Variants in BANP observed in about 807,000 individuals in gnomAD.
BANP encodes BTG3 associated nuclear protein.
A neutral mutation model predicts 68.1 loss-of-function variants in BANP; 11 were observed. That is an observed-to-expected ratio of 0.16 (90% confidence interval 0.10 to 0.27). The LOEUF is 0.27. Ranked by LOEUF, BANP falls within the 10% of genes least tolerant of loss-of-function variation. The pLI is 1.00. For synonymous variants in BANP, 329 were observed against 303.2 expected, an observed-to-expected ratio of 1.09 and a Z score of -0.88; for missense variants, 504 against 722.7, an observed-to-expected ratio of 0.70 and a Z score of 3.47.
In BANP at chr16:88,027,442, C is replaced by G. The variant is rs201753170; in HGVS notation, c.896-41C>G. On this transcript the variant is annotated intron_variant, in intron 7 of 13. Coordinates refer to ENST00000682872, the MANE Select transcript of BANP (RefSeq NM_001386991.1). ...GCCAGGCAGCTCCTGGTGGCTGTCC[C>G]GAACAGGCCTCACCGCTTCTCCTTG... The G allele has an allele frequency of 7.5e-6, 12 of 1,609,854 alleles. No individual in the cohort carries two copies. The African/African-American group carries it at 1.2e-4, about 16-fold the overall frequency.
chr16:87,991,350 A>C (rs1290560460), intron 4 of BANP, among the ~76,000 whole-genome samples: 1 of 152,258 alleles, frequency 6.6e-6, no homozygotes, highest in African/African-American at 2.4e-5. Context: ...CAATCTAATA[A>C]CCAAACTAAT....
chr16:88,026,333 G>A (rs570823146), intron 7 of BANP, among the ~76,000 whole-genome samples: 1 of 152,344 alleles, frequency 6.6e-6, no homozygotes, highest in East Asian at 1.9e-4. Flanking sequence ...AGTTGAGAAG[G>A]CACGATAGAG....
intron 11 of BANP, among the ~76,000 whole-genome samples, chr16:88,056,100 C>G (rs1038825410): frequency 1.3e-5 from 2 of 152,164 alleles, no homozygotes; most frequent in Non-Finnish European, 1.5e-5. Flanking sequence ...GGGGCCCTGA[C>G]TTACAAAGGG....
At chr16:88,017,460 G>A (rs1486134300) in intron 6 of BANP, 1 of 152,246 alleles carries the variant, frequency 6.6e-6, no homozygotes, top group Non-Finnish European at 1.5e-5. Flanking sequence ...CATCACACGG[G>A]GAGGCTTTGA....
chr16:87,984,099 T>G lies in BANP; in HGVS notation c.202T>G (p.Leu68Val). The change falls in exon 4 of 14, where the codon TTG becomes GTG. Residue 68 changes from leucine to valine, a missense_variant. Physicochemically the swap from Leu to Val is conservative, Grantham distance 32 (BLOSUM62 1). Coordinates refer to ENST00000682872, the MANE Select transcript of BANP (RefSeq NM_001386991.1). The stretch of plus-strand genomic sequence containing the variant: ...CATCAACCAGACAATCTGCTTGCGG[T>G]TGGATAGCATTGAAGCCAAATTGCA... ...YSINQTICLR[L>V]DSIEAKLQAL... The G allele has an allele frequency of 6.2e-7, 1 of 1,614,012 alleles. No individual in the cohort carries two copies. The highest frequency in any genetic ancestry group is 8.5e-7 in the Non-Finnish European group (1 of 1,179,952).
intron 6 of BANP, among the ~76,000 whole-genome samples, chr16:88,016,449 T>C (rs1275501208): frequency 6.6e-6 from 1 of 151,800 alleles, no homozygotes; most frequent in Non-Finnish European, 1.5e-5. Context: ...ACACGTCCCC[T>C]CTGTTTCCCC....
At chr16:88,001,824 G>A (rs2069442406) in intron 4 of BANP, among the ~76,000 whole-genome samples, 1 of 151,414 alleles carries the variant, frequency 6.6e-6, no homozygotes, top group Non-Finnish European at 1.5e-5. Context: ...TATCCTGTTA[G>A]CCTGGCTGTC....
chr16:88,042,134 C>T (rs1457535756), intron 11 of BANP, among the ~76,000 whole-genome samples: 1 of 152,240 alleles, frequency 6.6e-6, no homozygotes, highest in Non-Finnish European at 1.5e-5. Context: ...GCACCTGGGT[C>T]CAGTGAGGTC....
intron 7 of BANP, among the ~76,000 whole-genome samples, chr16:88,023,836 A>G (rs2076470644): frequency 6.6e-6 from 1 of 152,182 alleles, no homozygotes; most frequent in Non-Finnish European, 1.5e-5. Context: ...AGGAAAATAG[A>G]GGCGTGCACT....
intron 3 of BANP, among the ~76,000 whole-genome samples, chr16:87,983,552 G>C (rs1390347964): frequency 1.3e-5 from 2 of 152,126 alleles, no homozygotes; most frequent in Non-Finnish European, 2.9e-5. Context: ...TAGGTGGCAA[G>C]CTTGCCGCTC....
intron 1 of BANP, among the ~76,000 whole-genome samples, chr16:87,961,057 A>G (rs948951514): frequency 6.6e-5 from 10 of 152,248 alleles, no homozygotes; most frequent in Admixed American, 5.2e-4. Context: ...CGGTGAAGCA[A>G]CATTTTCCAG....
chr16:87,962,740 G>GA (rs2059410979), intron 1 of BANP, among the ~76,000 whole-genome samples: 1 of 152,284 alleles, frequency 6.6e-6, no homozygotes, highest in East Asian at 1.9e-4. Context: ...GGAGCCGTCG[G>GA]GAGAAGTGTT....
chr16:88,039,706 C>T (rs1396747832), intron 11 of BANP, among the ~76,000 whole-genome samples: 8 of 142,674 alleles, frequency 5.6e-5, no homozygotes, highest in Non-Finnish European at 9.5e-5. Flanking sequence ...CATGGAGGCC[C>T]GTTGGCTCCA....
chr16:88,010,638 C>T (rs1398708189), intron 6 of BANP, among the ~76,000 whole-genome samples: 1 of 152,274 alleles, frequency 6.6e-6, no homozygotes, highest in Non-Finnish European at 1.5e-5. Context: ...ATTTACAGAC[C>T]TCACAGTCCA....
intron 1 of BANP, among the ~76,000 whole-genome samples, chr16:87,974,475 G>A (rs567453413): frequency 3.3e-5 from 5 of 152,356 alleles, no homozygotes; most frequent in Admixed American, 1.3e-4. Context: ...AGAGCAGAAA[G>A]AAAGCAGAAC....
At chr16:88,015,360 G>T (rs545703319) in intron 6 of BANP, among the ~76,000 whole-genome samples, 20 of 152,270 alleles carry the variant, frequency 1.3e-4, no homozygotes, top group Non-Finnish European at 2.5e-4. Context: ...CCCTCTGCCT[G>T]TGCCAGTTCA....
intron 9 of BANP, among the ~76,000 whole-genome samples, chr16:88,034,007 T>A (rs1217082014): frequency 6.6e-6 from 1 of 152,200 alleles, no homozygotes; most frequent in Non-Finnish European, 1.5e-5. Flanking sequence ...TTGGGCCCTC[T>A]GAAGACAGGT....
chr16:88,014,549 C>G (rs563829625), intron 6 of BANP, among the ~76,000 whole-genome samples: 1 of 152,244 alleles, frequency 6.6e-6, no homozygotes, highest in South Asian at 2.1e-4. Flanking sequence ...CCAGTGTTTA[C>G]TTTAAAAATA....
intron 2 of BANP, among the ~76,000 whole-genome samples, chr16:87,979,210 G>A (rs2062799378): frequency 1.3e-5 from 2 of 152,194 alleles, no homozygotes; most frequent in South Asian, 4.1e-4. Context: ...GAATGTCAAT[G>A]TATGTAACAC....
Sources: gnomAD v4.1 joint callset for allele counts (sites outside exome capture counted in the v4.1 genomes callset) on GRCh38, gnomAD v4.1.1 for gene constraint, MANE v1.5 for transcripts, NCBI Gene and HGNC (gene_info 2026-07-23, HGNC 2026-07-21) for gene names.